The following GPHN variants were observed in gnomAD, a reference collection of about 807,000 sequenced individuals.
The protein encoded by GPHN is gephyrin.
GPHN carries 17 observed loss-of-function variants against 95.5 expected under a neutral mutation model. The ratio of observed to expected loss-of-function variants is 0.18; its 90% confidence interval spans 0.12 to 0.27. The LOEUF is 0.27. GPHN is among the 10% of genes least tolerant of loss of function. The pLI, the probability that GPHN is intolerant of heterozygous loss-of-function variation, is 1.00. For synonymous variants in GPHN, 320 were observed against 322.5 expected (o/e 0.99, Z 0.08); for missense variants, 660 against 978.1 (o/e 0.67, Z 4.34).
the GPHN span, among the ~76,000 whole-genome samples, chr14:67,211,705 T>C: frequency 1.3e-4 from 20 of 151,922 alleles, no homozygotes; most frequent in African/African-American, 4.8e-4. Flanking sequence ...ACAGTGGGAG[T>C]ACCATCCTGG....
chr14:66,854,950 C>T (rs879313191), intron 4 of GPHN, among the ~76,000 whole-genome samples: 3 of 151,704 alleles, frequency 2.0e-5, no homozygotes, highest in Non-Finnish European at 2.9e-5. Context: ...CGGATTCAAG[C>T]GATTCTCCTG....
At chr14:67,641,284 A>G in the GPHN span, among the ~76,000 whole-genome samples, 1 of 152,292 alleles carries the variant, frequency 6.6e-6, no homozygotes, top group East Asian at 1.9e-4. Context: ...AAGATATCTC[A>G]ATATATATAT....
the GPHN span, among the ~76,000 whole-genome samples, chr14:67,612,184 C>T: frequency 1.3e-5 from 2 of 152,190 alleles, no homozygotes; most frequent in African/African-American, 4.8e-5. Flanking sequence ...TGCTGTGCAA[C>T]TTGGTTCCTA....
chr14:66,515,270 G>A (rs542874836), intron 1 of GPHN, among the ~76,000 whole-genome samples: 66 of 152,112 alleles, frequency 4.3e-4, no homozygotes, highest in African/African-American at 1.5e-3. Context: ...TTGGATAGAA[G>A]GTGTTTAATA....
the GPHN span, among the ~76,000 whole-genome samples, chr14:67,188,860 T>G: frequency 2.0e-5 from 3 of 151,834 alleles, no homozygotes; most frequent in African/African-American, 7.2e-5. Flanking sequence ...TTCTTTCTTT[T>G]TCTTTCTTTC....
chr14:66,832,650 T>G (rs1596063059), intron 4 of GPHN, among the ~76,000 whole-genome samples: 1 of 152,194 alleles, frequency 6.6e-6, no homozygotes, highest in South Asian at 2.1e-4. Flanking sequence ...CAGCATTCAT[T>G]TTCTTTGTTC....
the GPHN span, among the ~76,000 whole-genome samples, chr14:67,437,768 G>A: frequency 6.6e-6 from 1 of 152,128 alleles, no homozygotes; most frequent in Non-Finnish European, 1.5e-5. Flanking sequence ...CAGATTTCTA[G>A]CTTGAGCAAC....
chr14:67,560,183 A>C, the GPHN span, among the ~76,000 whole-genome samples: 1 of 151,978 alleles, frequency 6.6e-6, no homozygotes, highest in Non-Finnish European at 1.5e-5. Flanking sequence ...ACGCACCACC[A>C]TGCCCAGCTA....
the GPHN span, among the ~76,000 whole-genome samples, chr14:67,234,786 G>A: frequency 5.3e-5 from 8 of 151,504 alleles, no homozygotes; most frequent in Non-Finnish European, 4.4e-5. Context: ...CTGACCTCAG[G>A]TGATCCACCC....
chr14:67,668,655 CA>C, the GPHN span, among the ~76,000 whole-genome samples: 1 of 116,672 alleles, frequency 8.6e-6, no homozygotes, highest in Non-Finnish European at 2.3e-5. Context: ...ACTTAGGAAA[CA>C]CAGTGAAAAA....
At chr14:66,786,996 T>C (rs189067172) in intron 3 of GPHN, among the ~76,000 whole-genome samples, 34 of 152,258 alleles carry the variant, frequency 2.2e-4, no homozygotes, top group Non-Finnish European at 4.7e-4. Context: ...TTATTCAACA[T>C]AGTACTAGAA....
chr14:67,706,568 A>G, the GPHN span, among the ~76,000 whole-genome samples: 2 of 152,194 alleles, frequency 1.3e-5, no homozygotes, highest in African/African-American at 4.8e-5. Flanking sequence ...GGAAGATGAG[A>G]CACAAACAGG....
At chr14:67,033,988 A>G (rs1413300123) in intron 10 of GPHN, among the ~76,000 whole-genome samples, 2 of 152,168 alleles carry the variant, frequency 1.3e-5, no homozygotes, top group African/African-American at 2.4e-5. Context: ...CCTTTCAAAA[A>G]TGAAAAAAGA....
the GPHN span, chr14:67,619,898 G>A: frequency 1.0e-6 from 1 of 977,902 alleles, no homozygotes; most frequent in African/African-American, 1.7e-5. Context: ...GTAGGTAAGA[G>A]CAGCGGCGGG....
chr14:67,056,349 G>C (rs1346490822), intron 10 of GPHN, among the ~76,000 whole-genome samples: 1 of 151,698 alleles, frequency 6.6e-6, no homozygotes, highest in African/African-American at 2.4e-5. Flanking sequence ...GCACTGATTG[G>C]TGCATTTACA....
intron 2 of GPHN, among the ~76,000 whole-genome samples, chr14:66,744,761 CTG>C (rs529157604): frequency 2.2e-3 from 342 of 152,246 alleles, no homozygotes; most frequent in African/African-American, 7.7e-3. Flanking sequence ...GGATTGGACT[CTG>C]TGTAGATTGA....
At position 67,176,955 on chromosome 14, in the gene GPHN, A is replaced by G. The variant is rs577311742; in HGVS notation, c.2080-2623A>G. On this transcript the variant is annotated intron_variant, in intron 21 of 22. Transcript: ENST00000478722. ...TATCATTTTTTATTGCATCTGTTTGATTCTTCTCTCTTTTCTTCTTTGTTA... is the reference window on the plus strand; with the variant it reads ...TATCATTTTTTATTGCATCTGTTTGGTTCTTCTCTCTTTTCTTCTTTGTTA... Among the ~76,000 whole-genome samples the G allele has an allele frequency of 1.5e-3, 221 of 151,684 alleles. 1 individual carries two copies. Among genetic ancestry groups the G allele is most frequent in the Admixed American group, 3.3e-3 (51 of 15,246 alleles).
intron 1 of GPHN, among the ~76,000 whole-genome samples, chr14:66,567,873 A>T (rs191829307): frequency 6.6e-6 from 1 of 152,324 alleles, no homozygotes; most frequent in Admixed American, 6.5e-5. Context: ...TGCAAGATCT[A>T]TAAAAAAATA....
chr14:66,709,301 A>T (rs2069386473), intron 2 of GPHN: 1 of 455,556 alleles, frequency 2.2e-6, no homozygotes, highest in African/African-American at 2.0e-5. Context: ...GCACCCTGAA[A>T]TGAAGAGCCC....
Sources: gnomAD v4.1 joint callset for allele counts (sites outside exome capture counted in the v4.1 genomes callset) on GRCh38, gnomAD v4.1.1 for gene constraint, MANE v1.5 for transcripts, NCBI Gene and HGNC (gene_info 2026-07-23, HGNC 2026-07-21) for gene names.